DAB2IP: variants seen among roughly 807,000 people sequenced by gnomAD.
DAB2IP encodes the protein disabled homolog 2-interacting protein.
DAB2IP carries 28 observed loss-of-function variants against 107.2 expected under a neutral mutation model. The observed-to-expected ratio is 0.26, with a 90% CI of 0.19 to 0.36. The LOEUF (loss-of-function observed/expected upper bound fraction) is 0.36, where lower values mean the gene tolerates loss of function less well. Ranked by LOEUF, DAB2IP falls within the 10% of genes least tolerant of loss-of-function variation. The pLI, the probability that DAB2IP is intolerant of heterozygous loss-of-function variation, is 1.00. For synonymous variants in DAB2IP, 755 were observed against 706.4 expected (o/e 1.07, Z -1.09); for missense variants, 1,400 against 1,644.7 (o/e 0.85, Z 2.57).
At chr9:121,589,916 C>CTCCCTTCCCTTCCCT (rs145754287) in intron 1 of DAB2IP, among the ~76,000 whole-genome samples, 1,573 of 92,958 alleles carry the variant, frequency 0.017, 23 homozygotes, top group East Asian at 0.028. Flanking sequence ...CCCAGTCCTG[C>CTCCCTTCCCTTCCCT]TCCCTTCCCT....
chr9:121,618,705 G>A (rs1019670634), intron 1 of DAB2IP, among the ~76,000 whole-genome samples: 1 of 152,110 alleles, frequency 6.6e-6, no homozygotes, highest in Non-Finnish European at 1.5e-5. Flanking sequence ...AATTCACGCT[G>A]TAGGCGTGAC....
At chr9:121,734,120 G>A (rs1484926087) in intron 3 of DAB2IP, among the ~76,000 whole-genome samples, 2 of 140,676 alleles carry the variant, frequency 1.4e-5, no homozygotes, top group Admixed American at 6.7e-5. Flanking sequence ...GCTCACGCCT[G>A]TAATCCCAGC....
intron 1 of DAB2IP, among the ~76,000 whole-genome samples, chr9:121,596,540 A>G (rs1830534766): frequency 6.6e-6 from 1 of 152,074 alleles, no homozygotes. Context: ...TATATGAATG[A>G]TATTATAGAA....
chr9:121,674,214 C>T (rs1349856717), intron 1 of DAB2IP, among the ~76,000 whole-genome samples: 1 of 152,198 alleles, frequency 6.6e-6, no homozygotes, highest in South Asian at 2.1e-4. Flanking sequence ...CCCTCCTCCC[C>T]TCATCTCTTG....
chr9:121,781,438 C>A, intron 14 of DAB2IP, 26 bp from the exon 15 acceptor site: 1 of 1,612,592 alleles, frequency 6.2e-7, no homozygotes, highest in South Asian at 1.1e-5. Context: ...CAGGGCCAGT[C>A]TGACTGTCTC....
chr9:121,655,549 A>G (rs1832936529), intron 1 of DAB2IP, among the ~76,000 whole-genome samples: 1 of 152,198 alleles, frequency 6.6e-6, no homozygotes, highest in African/African-American at 2.4e-5. Flanking sequence ...GTTGGGGTGC[A>G]CTAGGGCACA....
chr9:121,767,283 G>A (rs1834355015), intron 9 of DAB2IP, among the ~76,000 whole-genome samples: 1 of 152,216 alleles, frequency 6.6e-6, no homozygotes, highest in African/African-American at 2.4e-5. Flanking sequence ...CATAGATTGA[G>A]CCCCATCCTG....
intron 8 of DAB2IP, 111 bp from the exon 9 acceptor site, chr9:121,766,383 C>A: frequency 1.0e-6 from 1 of 972,372 alleles, no homozygotes; most frequent in Non-Finnish European, 1.6e-6. Context: ...GGGCTGACCT[C>A]ACGCAGCTGG....
chr9:121,783,340 A>C, exon 16 of DAB2IP: 12 of 1,448,714 alleles, frequency 8.3e-6, no homozygotes, highest in Non-Finnish European at 1.1e-5. Flanking sequence ...GGATCTGGCC[A>C]GATGGCTCTG....
intron 1 of DAB2IP, among the ~76,000 whole-genome samples, chr9:121,629,680 G>A (rs1831801676): frequency 6.6e-6 from 1 of 152,178 alleles, no homozygotes; most frequent in East Asian, 1.9e-4. Context: ...GGAGGCTTCT[G>A]CTAAGCTCAC....
At chr9:121,773,259 G>A (rs1457737544) in exon 12 of DAB2IP, 4 of 1,544,006 alleles carry the variant, frequency 2.6e-6, no homozygotes, top group East Asian at 2.4e-5. Flanking sequence ...GCAGAACAGT[G>A]CTGGCCCCCA....
chr9:121,632,865 G>A (rs1272653132), intron 1 of DAB2IP, among the ~76,000 whole-genome samples: 1 of 152,182 alleles, frequency 6.6e-6, no homozygotes, highest in Non-Finnish European at 1.5e-5. Flanking sequence ...ACAAAGGTGG[G>A]GTCTTTGAAC....
intron 2 of DAB2IP, among the ~76,000 whole-genome samples, chr9:121,693,019 G>A (rs1038211956): frequency 1.2e-4 from 18 of 152,220 alleles, no homozygotes; most frequent in African/African-American, 3.9e-4. Flanking sequence ...AAATATCAGC[G>A]CTGGAAAGGA....
Position 121,700,979 on chromosome 9 carries a change from G to A in DAB2IP, c.362+1521G>A, listed in dbSNP as rs150838973. ...TTCCCATCTTTGTTATTGTCTGGGC[G>A]GCAGGCCACCCGGTTTGCTGCCTTC... On this transcript the variant is annotated intron_variant, in intron 3 of 15. Coordinates refer to ENST00000408936, the Ensembl canonical transcript of DAB2IP. 2.0e-3 allele frequency among the ~76,000 whole-genome samples: 300 copies of A among 152,338 alleles called. 1 individual carries two copies. Among genetic ancestry groups the A allele is most frequent in the African/African-American group, 6.8e-3 (284 of 41,584 alleles).
At chr9:121,728,844 T>C (rs1831372567) in intron 3 of DAB2IP, among the ~76,000 whole-genome samples, 2 of 151,956 alleles carry the variant, frequency 1.3e-5, no homozygotes, top group Non-Finnish European at 1.5e-5. Flanking sequence ...GGGGAAGGGG[T>C]TATTTAAACA....
At position 121,776,107 on chromosome 9, in the gene DAB2IP, G is replaced by C. The variant is rs1352253413; in HGVS notation, c.3121-91G>C. ...CAGCCACTGGGGCCTTTCAAGTGGG[G>C]CTCCCTCCTACCCTTCCTCCCACTC... On this transcript the variant is annotated intron_variant, in intron 13 of 15. Coordinates refer to ENST00000408936, the Ensembl canonical transcript of DAB2IP. The surrounding 1 kb of genome is among the most constrained non-coding windows in gnomAD (Gnocchi z 5.4). 6.9e-7 allele frequency: 1 copy of C among 1,445,592 alleles called. No individual in the cohort carries two copies. Among genetic ancestry groups the C allele is most frequent in the African/African-American group, 1.4e-5 (1 of 70,172 alleles). 89.5% of individuals were successfully genotyped at this position (1,445,592 alleles called of 1,614,324 possible).
At chr9:121,590,789 A>G (rs565553364) in intron 1 of DAB2IP, among the ~76,000 whole-genome samples, 1 of 152,146 alleles carries the variant, frequency 6.6e-6, no homozygotes, top group Admixed American at 6.5e-5. Flanking sequence ...CACCTACTAC[A>G]TGCCCTTGCT....
chr9:121,773,279 C>G, exon 12 of DAB2IP: 1 of 1,533,548 alleles, frequency 6.5e-7, no homozygotes, highest in South Asian at 1.2e-5. Flanking sequence ...AGAGGAGGAT[C>G]GACCAGCCTC....
exon 16 of DAB2IP, chr9:121,785,156 T>C (rs984235115): frequency 6.6e-6 from 1 of 152,594 alleles, no homozygotes; most frequent in Non-Finnish European, 1.5e-5. Flanking sequence ...GCCCAGAAAG[T>C]GGGGGTGGAG....
Sources: gnomAD v4.1 joint callset for allele counts (sites outside exome capture counted in the v4.1 genomes callset) on GRCh38, gnomAD v4.1.1 for gene constraint, Gnocchi (gnomAD v3.1) non-coding constraint, MANE v1.5 for transcripts, NCBI Gene and HGNC (gene_info 2026-07-23, HGNC 2026-07-21) for gene names.